The following VPS41 variants were observed in gnomAD, a reference collection of about 807,000 sequenced individuals.
VPS41 encodes VPS41 subunit of HOPS complex.
VPS41 carries 85 observed loss-of-function variants against 130.9 expected under a neutral mutation model. That is an observed-to-expected ratio of 0.65 (90% CI 0.55 to 0.78). The LOEUF (loss-of-function observed/expected upper bound fraction) is 0.78. Ranked by LOEUF, VPS41 falls within the 30% of genes least tolerant of loss-of-function variation. VPS41 has a pLI of 0.00. For missense variants in VPS41, 874 were observed against 1,018.7 expected (o/e 0.86, Z 1.93); for synonymous variants, 335 against 332.9 (o/e 1.01, Z -0.07).
chr7:38,743,991 T>C (rs1795937189), intron 23 of VPS41, among the ~76,000 whole-genome samples: 1 of 152,228 alleles, frequency 6.6e-6, no homozygotes, highest in African/African-American at 2.4e-5. Flanking sequence ...TTAAAATGTT[T>C]AAAGGCCCTA....
At chr7:38,881,640 A>G (rs1353652375) in intron 2 of VPS41, among the ~76,000 whole-genome samples, 1 of 152,192 alleles carries the variant, frequency 6.6e-6, no homozygotes, top group Non-Finnish European at 1.5e-5. Flanking sequence ...TAAATTAAAT[A>G]TTGATCCCTG....
At chr7:38,816,717 T>C (rs1353088104) in intron 7 of VPS41, among the ~76,000 whole-genome samples, 1 of 152,196 alleles carries the variant, frequency 6.6e-6, no homozygotes, top group African/African-American at 2.4e-5. Context: ...CAGAAAAATG[T>C]TAATATATGA....
chr7:38,804,003 T>C (rs1784787535), intron 7 of VPS41, among the ~76,000 whole-genome samples: 1 of 152,206 alleles, frequency 6.6e-6, no homozygotes, highest in Admixed American at 6.5e-5. Flanking sequence ...TCTGAACAAG[T>C]TATAATGCTT....
At chr7:38,795,342 G>A (rs1336600200) in intron 9 of VPS41, 123 bp downstream of exon 9, 66 of 705,508 alleles carry the variant, frequency 9.4e-5, no homozygotes, top group Admixed American at 1.8e-4. Flanking sequence ...TGGTAATCAC[G>A]TCACAATAAC....
chr7:38,875,957 GT>G (rs1267200136), intron 2 of VPS41, among the ~76,000 whole-genome samples: 1 of 152,208 alleles, frequency 6.6e-6, no homozygotes, highest in Non-Finnish European at 1.5e-5. Flanking sequence ...TTCAGCATGA[GT>G]TTACTATACC....
intron 4 of VPS41, among the ~76,000 whole-genome samples, chr7:38,841,951 C>T (rs1785616723): frequency 6.6e-6 from 1 of 152,218 alleles, no homozygotes; most frequent in Non-Finnish European, 1.5e-5. Context: ...TGTAGATCCT[C>T]AGCCTGCCTC....
chr7:38,884,026 T>G (rs1313660444), intron 2 of VPS41, among the ~76,000 whole-genome samples: 1 of 152,196 alleles, frequency 6.6e-6, no homozygotes, highest in Non-Finnish European at 1.5e-5. Flanking sequence ...GCAATCAATC[T>G]CATAACAGGG....
At position 38,752,207 on chromosome 7, in the gene VPS41, A is replaced by G. The variant is rs1783688718; in HGVS notation, c.1895T>C (p.Leu632Pro). Residue 632 changes from leucine to proline, a missense_variant, in exon 22 of 29, where the codon CTC becomes CCC. By Grantham distance (98) the Leu-to-Pro change is moderately conservative. Transcript: ENST00000310301. ...EYDRPNLLPFLRDSTHCPLEK... is the reference protein window; with the variant it reads ...EYDRPNLLPFPRDSTHCPLEK... ...AAGTGGGCAATGGGTACTGTCTCGG[A>G]GAAAGGGAAGTAAGTTTGGTCGATC... 6.2e-7 allele frequency: 1 copy of G among 1,613,816 alleles called. No homozygotes were observed. The highest frequency in any genetic ancestry group is 1.7e-5 in the Admixed American group (1 of 59,994).
chr7:38,893,807 ACTTTC>A (rs1405622159), intron 2 of VPS41, among the ~76,000 whole-genome samples: 1 of 152,228 alleles, frequency 6.6e-6, no homozygotes, highest in Non-Finnish European at 1.5e-5. Flanking sequence ...CATGTACACC[ACTTTC>A]CTTTACATTA....
At chr7:38,842,694 G>A (rs527262513) in intron 4 of VPS41, among the ~76,000 whole-genome samples, 1 of 152,182 alleles carries the variant, frequency 6.6e-6, no homozygotes, top group South Asian at 2.1e-4. Context: ...CTTAGTATAG[G>A]CCATGCATAG....
intron 14 of VPS41, among the ~76,000 whole-genome samples, chr7:38,769,079 T>G (rs1290637385): frequency 3.3e-5 from 5 of 152,166 alleles, no homozygotes; most frequent in African/African-American, 1.2e-4. Flanking sequence ...GAAAATTCAC[T>G]ACTTTCATAT....
intron 7 of VPS41, among the ~76,000 whole-genome samples, chr7:38,805,593 C>G (rs1784826109): frequency 6.6e-6 from 1 of 150,782 alleles, no homozygotes; most frequent in Admixed American, 6.6e-5. Context: ...AATCAGGAGA[C>G]TATCTGCAGA....
chr7:38,797,548 T>C, intron 7 of VPS41, among the ~76,000 whole-genome samples: 1 of 152,220 alleles, frequency 6.6e-6, no homozygotes, highest in Non-Finnish European at 1.5e-5. Context: ...AAGAACACAA[T>C]AAATATTTTT....
intron 3 of VPS41, 58 bp downstream of exon 3, chr7:38,869,088 C>A: frequency 7.3e-7 from 1 of 1,374,994 alleles, no homozygotes; most frequent in Non-Finnish European, 1.0e-6. Flanking sequence ...CTCCAAAGCA[C>A]AAGCAAATTT....
chr7:38,898,221 G>A lies in VPS41; in HGVS notation c.22-92C>T, dbSNP rs968232093. 1.3e-4 allele frequency: 139 copies of A among 1,051,506 alleles called. No homozygotes were observed. The African/African-American group carries it at 1.4e-3, about 11-fold the overall frequency. The allele number at this position is 1,051,506 out of a possible 1,614,324, so 65.1% of individuals were successfully genotyped here. A position where few individuals can be genotyped will look rare whatever the true frequency, so the allele number is the denominator to read the frequency against. ...AGAGTCCTCATGTTCCTACTACCAC[G>A]CATCTGCCCTTTTTGGAAGAGAATC... On this transcript the variant is annotated intron_variant, in intron 1 of 28. Coordinates refer to ENST00000310301, the MANE Select transcript of VPS41 (RefSeq NM_014396.4).
In VPS41 at chr7:38,754,759, A is replaced by G; in HGVS notation, c.1738-7T>C. 1 of 1,611,426 alleles carries G rather than the reference A, an allele frequency of 6.2e-7. No individual in the cohort carries two copies. Among genetic ancestry groups the G allele is most frequent in the Non-Finnish European group, 8.5e-7 (1 of 1,178,032 alleles). On this transcript the variant is annotated splice_polypyrimidine_tract_variant and splice_region_variant and intron_variant, in intron 20 of 28. Transcript: ENST00000310301. ...CTTCCACTACCTTTTTAATCTAGAT[A>G]AAAAAGAAAAGTTTCAAGGTGGAGT...
In VPS41 at chr7:38,742,031, T is replaced by C. The variant is rs757661777; in HGVS notation, c.2213A>G (p.Asn738Ser). ...HRIKEGMEIP[N>S]LRDSLVKILQ... ...AATTTTAACCAAGGAATCTCTCAAA[T>C]TGGGGATCTCCATTCCTTCCTTAAT... Residue 738 changes from asparagine (N) to serine (S), a missense_variant, in exon 25 of 29, where the codon AAT becomes AGT. Asn to Ser is a conservative substitution (Grantham distance 46). Transcript: ENST00000310301. 8 of 1,613,446 alleles carry C rather than the reference T, an allele frequency of 5.0e-6. No homozygotes were observed. The highest frequency in any genetic ancestry group is 4.5e-5 in the East Asian group (2 of 44,796).
intron 9 of VPS41, among the ~76,000 whole-genome samples, chr7:38,793,503 C>T (rs781582991): frequency 2.0e-5 from 3 of 152,130 alleles, no homozygotes; most frequent in Non-Finnish European, 4.4e-5. Flanking sequence ...AAATATTTGA[C>T]ATAAAAATTG....
Position 38,898,137 on chromosome 7 carries a change from G to A in VPS41, c.22-8C>T, listed in dbSNP as rs1787052915. On this transcript the variant is annotated splice_polypyrimidine_tract_variant and splice_region_variant and intron_variant, in intron 1 of 28. Transcript: ENST00000310301. ...TTCAAGGGACCCAGTTTCCTATAAAGCATAGAAAAAGAAAATGGTCAGAAG... is the reference window on the plus strand; with the variant it reads ...TTCAAGGGACCCAGTTTCCTATAAAACATAGAAAAAGAAAATGGTCAGAAG... 1.2e-6 allele frequency: 2 copies of A among 1,612,170 alleles called. No individual in the cohort carries two copies. Among genetic ancestry groups the A allele is most frequent in the Non-Finnish European group, 1.7e-6 (2 of 1,178,466 alleles).
Sources: gnomAD v4.1 joint callset for allele counts (sites outside exome capture counted in the v4.1 genomes callset) on GRCh38, gnomAD v4.1.1 for gene constraint, MANE v1.5 for transcripts, NCBI Gene and HGNC (gene_info 2026-07-23, HGNC 2026-07-21) for gene names.